The following ADGRA3 variants were observed in gnomAD, a reference collection of about 807,000 sequenced individuals.
The protein encoded by ADGRA3 is G-protein coupled receptor 125.
In ADGRA3, 56 loss-of-function variants were observed where a neutral mutation model predicts 119.8. The observed-to-expected ratio is 0.47, with a 90% confidence interval of 0.38 to 0.58. The LOEUF (loss-of-function observed/expected upper bound fraction) is 0.58. Among genes scored for constraint, ADGRA3 ranks in the 20% least tolerant of loss-of-function variants. The pLI is 0.00. For synonymous variants in ADGRA3, 607 were observed against 623.8 expected (o/e 0.97, Z 0.40); for missense variants, 1,516 against 1,649.0 (o/e 0.92, Z 1.40).
Position 22,388,644 on chromosome 4 carries a change from C to A in ADGRA3, c.3027G>T (p.Leu1009=), listed in dbSNP as rs778503373. The part of the protein sequence containing the change: ...ASLTLLLYVA[L]WMFGALAVSL... ...AAACAGCCAAAGCCCCAAACATCCA[C>A]AGTGCAACATATAAGAGCAAAGTAA... The change falls in exon 19 of 19, where the codon CTG becomes CTT. Residue 1009 remains leucine, a synonymous_variant. Transcript: ENST00000334304. The A allele has an allele frequency of 6.2e-7, 1 of 1,613,942 alleles. No individual in the cohort carries two copies. Among genetic ancestry groups the A allele is most frequent in the Non-Finnish European group, 8.5e-7 (1 of 1,180,010 alleles).
At chr4:22,431,455 G>A (rs966842151) in intron 10 of ADGRA3, among the ~76,000 whole-genome samples, 4 of 152,236 alleles carry the variant, frequency 2.6e-5, no homozygotes, top group African/African-American at 9.6e-5. Flanking sequence ...TGACCTGGAT[G>A]TGAGACATGG....
At chr4:22,486,477 A>C (rs1291165018) in intron 1 of ADGRA3, among the ~76,000 whole-genome samples, 2 of 152,156 alleles carry the variant, frequency 1.3e-5, no homozygotes, top group Non-Finnish European at 2.9e-5. Context: ...TAAAACAAGA[A>C]AACCTCATAC....
intron 14 of ADGRA3, among the ~76,000 whole-genome samples, chr4:22,403,134 C>G (rs988027113): frequency 4.6e-5 from 7 of 152,052 alleles, no homozygotes; most frequent in African/African-American, 1.7e-4. Flanking sequence ...CTTTTCAATG[C>G]CCTTTAAGCC....
chr4:22,484,586 T>C (rs1340562736), intron 1 of ADGRA3, among the ~76,000 whole-genome samples: 4 of 147,150 alleles, frequency 2.7e-5, no homozygotes, highest in Non-Finnish European at 4.5e-5. Context: ...GCCTAGGCGA[T>C]AGAGTGAGAC....
chr4:22,427,017 T>C (rs192506107), intron 10 of ADGRA3, among the ~76,000 whole-genome samples: 2 of 152,322 alleles, frequency 1.3e-5, no homozygotes, highest in Non-Finnish European at 2.9e-5. Context: ...AACTAGTAAG[T>C]CCAAAGTCTT....
intron 12 of ADGRA3, among the ~76,000 whole-genome samples, chr4:22,416,656 G>C (rs561419945): frequency 8.5e-5 from 13 of 152,220 alleles, no homozygotes; most frequent in African/African-American, 2.9e-4. Context: ...TGGGGGAGAG[G>C]AAATGCCTTA....
At chr4:22,491,817 C>T (rs1457047761) in intron 1 of ADGRA3, among the ~76,000 whole-genome samples, 1 of 152,216 alleles carries the variant, frequency 6.6e-6, no homozygotes, top group East Asian at 1.9e-4. Flanking sequence ...TCACAACAGT[C>T]TTAAACAAAG....
intron 16 of ADGRA3, among the ~76,000 whole-genome samples, chr4:22,397,172 ATTCTTTTTT>A (rs1425382372): frequency 2.6e-5 from 3 of 114,206 alleles, no homozygotes; most frequent in Non-Finnish European, 3.3e-5. Context: ...AACTACTGTA[ATTCTTTTTT>A]TTTTTTTTTT....
intron 1 of ADGRA3, among the ~76,000 whole-genome samples, chr4:22,493,009 A>AC (rs1553881576): frequency 6.6e-6 from 1 of 152,168 alleles, no homozygotes; most frequent in Non-Finnish European, 1.5e-5. Flanking sequence ...TCTGTCACCC[A>AC]GGTGGAGTGC....
chr4:22,445,270 A>T (rs1309148083), intron 5 of ADGRA3, 137 bp from the exon 6 acceptor site: 2 of 721,992 alleles, frequency 2.8e-6, no homozygotes, highest in Non-Finnish European at 4.7e-6. Flanking sequence ...TTCATCAACT[A>T]GCTACAGTTT....
At position 22,469,430 on chromosome 4, in the gene ADGRA3, C is replaced by CACTGTATT. The variant is rs548034637; in HGVS notation, c.329+4334_329+4341dup. Among the ~76,000 whole-genome samples, 13 of 152,316 alleles carry CACTGTATT rather than the reference C, an allele frequency of 8.5e-5. No homozygotes were observed. The East Asian group carries it at 2.5e-3, about 29-fold the overall frequency. On this transcript the variant is annotated intron_variant, in intron 2 of 18. Coordinates refer to ENST00000334304, the MANE Select transcript of ADGRA3 (RefSeq NM_145290.4). ...TCACTTCATTGAATGAATGAATCCT[C>CACTGTATT]ACTGTATTTATCGGACCAACTGGTG...
chr4:22,403,634 G>A (rs980808213), intron 14 of ADGRA3, among the ~76,000 whole-genome samples: 5 of 151,956 alleles, frequency 3.3e-5, no homozygotes, highest in Admixed American at 2.0e-4. Context: ...CCAGCTACTC[G>A]GTAGGCTGAG....
At chr4:22,515,500 A>G (rs778374458) in intron 1 of ADGRA3, 28 bp downstream of exon 1, 2 of 1,597,554 alleles carry the variant, frequency 1.3e-6, no homozygotes, top group Non-Finnish European at 1.7e-6. Flanking sequence ...CGAGCGGGAG[A>G]GGACCCAGCG....
chr4:22,513,566 C>A (rs937733468), intron 1 of ADGRA3, among the ~76,000 whole-genome samples: 2 of 149,572 alleles, frequency 1.3e-5, no homozygotes, highest in African/African-American at 4.9e-5. Flanking sequence ...GGCTGGAGTG[C>A]AGTGGTGCGA....
rs372663642 is a variant in ADGRA3, at chr4:22,419,021, G to A, written c.1809+1865C>T. On this transcript the variant is annotated intron_variant, in intron 12 of 18. Coordinates refer to ENST00000334304, the MANE Select transcript of ADGRA3 (RefSeq NM_145290.4). ...AGAGACACAGAGACTCAAAGTTACC[G>A]TGGTTTGTGCAATACAGGATGGGAG... Among the ~76,000 whole-genome samples the A allele has an allele frequency of 2.9e-4, 44 of 152,260 alleles. No homozygotes were observed. The East Asian group carries it at 5.2e-3, about 18-fold the overall frequency.
intron 14 of ADGRA3, among the ~76,000 whole-genome samples, chr4:22,408,252 A>G (rs184190481): frequency 6.6e-6 from 1 of 152,122 alleles, no homozygotes; most frequent in African/African-American, 2.4e-5. Context: ...GGGTAGAAAA[A>G]TTTCTTAAAC....
chr4:22,448,690 C>T (rs1009448109), intron 4 of ADGRA3, among the ~76,000 whole-genome samples: 1 of 152,206 alleles, frequency 6.6e-6, no homozygotes, highest in Non-Finnish European at 1.5e-5. Flanking sequence ...TGATATCACA[C>T]AATGGCCAAC....
chr4:22,442,874 TCAAA>T lies in ADGRA3; in HGVS notation c.707-15_707-12del, dbSNP rs761395407. 13 of 1,582,504 alleles carry T rather than the reference TCAAA, an allele frequency of 8.2e-6. No individual in the cohort carries two copies. In the East Asian group the frequency reaches 2.0e-4, roughly 25 times the overall value. On this transcript the variant is annotated splice_polypyrimidine_tract_variant and intron_variant, in intron 6 of 18. Transcript: ENST00000334304. ...ATTCAAGCGGAGGGTCTAGAGACAA[TCAAA>T]CAAAGATTCAGTAAACAAATATAAT...
At chr4:22,405,947 T>G (rs947906665) in intron 14 of ADGRA3, among the ~76,000 whole-genome samples, 1 of 152,176 alleles carries the variant, frequency 6.6e-6, no homozygotes, top group African/African-American at 2.4e-5. Flanking sequence ...TTAACCAACC[T>G]TACTTCACCC....
Sources: gnomAD v4.1 joint callset for allele counts (sites outside exome capture counted in the v4.1 genomes callset) on GRCh38, gnomAD v4.1.1 for gene constraint, MANE v1.5 for transcripts, NCBI Gene and HGNC (gene_info 2026-07-23, HGNC 2026-07-21) for gene names.